FSD1L: variants seen among roughly 807,000 people sequenced by gnomAD.
FSD1L encodes the protein fibronectin type III and SPRY domain containing 1 like, also known as FSD1-like protein.
FSD1L carries 45 observed loss-of-function variants against 71.6 expected under a neutral mutation model. The ratio of observed to expected loss-of-function variants is 0.63; its 90% confidence interval spans 0.49 to 0.81. FSD1L has a LOEUF of 0.81. Among genes scored for constraint, FSD1L ranks in the 30% least tolerant of loss-of-function variants. FSD1L has a pLI of 0.00. For synonymous variants in FSD1L, 197 were observed against 207.2 expected, an observed-to-expected ratio of 0.95 and a Z score of 0.42; for missense variants, 561 against 618.1, an observed-to-expected ratio of 0.91 and a Z score of 0.98.
At chr9:105,530,440 C>A in intron 10 of FSD1L, 1 of 513,992 alleles carries the variant, frequency 1.9e-6, no homozygotes, top group Non-Finnish European at 3.4e-6. Context: ...AATTAAACTG[C>A]CAATGTCAAT....
chr9:105,547,531 G>A lies in FSD1L; in HGVS notation c.*1048G>A, dbSNP rs758127021. 4.0e-5 allele frequency: 6 copies of A among 151,886 alleles called. No individual in the cohort carries two copies. The highest frequency in any genetic ancestry group is 9.7e-5 in the African/African-American group (4 of 41,392). 9.4% of individuals were successfully genotyped at this position (151,886 alleles called of 1,614,324 possible). A position where few individuals can be genotyped will look rare whatever the true frequency, so the allele number is the denominator to read the frequency against. ...AGCAATTGTTTTGAAAAAAATCTGC[G>A]TATCTTTGACTTAATTGGCACATGA... On this transcript the variant is annotated 3_prime_UTR_variant, in exon 14 of 14. Coordinates refer to ENST00000481272, the MANE Select transcript of FSD1L (RefSeq NM_001145313.3).
chr9:105,535,626 A>G (rs1355675620), intron 12 of FSD1L, among the ~76,000 whole-genome samples: 6 of 152,122 alleles, frequency 3.9e-5, no homozygotes, highest in Non-Finnish European at 8.8e-5. Flanking sequence ...TTTATTACCT[A>G]CCTCTAAAGA....
In FSD1L at chr9:105,504,953, A is replaced by G. The variant is rs550415249; in HGVS notation, c.587-1446A>G. On this transcript the variant is annotated intron_variant, in intron 7 of 13. Transcript: ENST00000481272. ...TTACCATAAACCCACTACCTCCTCC[A>G]TATACAATTTCCCCTGTTATTACTA... Among the ~76,000 whole-genome samples, 9 of 152,202 alleles carry G rather than the reference A, an allele frequency of 5.9e-5. No homozygotes were observed. The South Asian group carries it at 1.9e-3, about 31-fold the overall frequency.
intron 6 of FSD1L, among the ~76,000 whole-genome samples, chr9:105,481,901 C>T (rs1188501364): frequency 1.3e-5 from 2 of 151,814 alleles, no homozygotes; most frequent in African/African-American, 4.8e-5. Context: ...GCCGCCTGAG[C>T]AGCTGGGACT....
chr9:105,534,096 C>T (rs540871742), intron 10 of FSD1L, among the ~76,000 whole-genome samples: 1 of 152,264 alleles, frequency 6.6e-6, no homozygotes, highest in Non-Finnish European at 1.5e-5. Flanking sequence ...GTTATTTAGT[C>T]AGGATTATAA....
Position 105,539,291 on chromosome 9 carries a change from T to C in FSD1L, c.1407T>C (p.Ser469=). 1 of 1,502,498 alleles carries C rather than the reference T, an allele frequency of 6.7e-7. No individual in the cohort carries two copies. The highest frequency in any genetic ancestry group is 9.0e-7 in the Non-Finnish European group (1 of 1,116,758). 93.1% of individuals were successfully genotyped at this position (1,502,498 alleles called of 1,614,324 possible). ...AACTTTCATTCTATGATGCAAATTC[T>C]AAACAGTTGCTATATTCCTTTAAGA... The part of the protein sequence containing the change: ...GGQLSFYDAN[S]KQLLYSFKTK... Residue 469 remains serine, a synonymous_variant, in exon 13 of 14, where the codon TCT becomes TCC. Coordinates refer to ENST00000481272, the MANE Select transcript of FSD1L (RefSeq NM_001145313.3).
chr9:105,454,827 C>A lies in FSD1L; in HGVS notation c.15+6592C>A, dbSNP rs566858627. ...GCCAGTTCTTTTACTAGCATTTAGA[C>A]TTTTTCTCAGCTGGTAAGCTAGACA... On this transcript the variant is annotated intron_variant, in intron 1 of 13. Coordinates refer to ENST00000481272, the MANE Select transcript of FSD1L (RefSeq NM_001145313.3). Among the ~76,000 whole-genome samples the A allele has an allele frequency of 2.0e-5, 3 of 152,186 alleles. No individual in the cohort carries two copies. The South Asian group carries it at 6.2e-4, about 31-fold the overall frequency.
At chr9:105,464,803 T>G (rs555942067) in intron 3 of FSD1L, among the ~76,000 whole-genome samples, 24 of 151,268 alleles carry the variant, frequency 1.6e-4, no homozygotes, top group African/African-American at 5.3e-4. Context: ...AGACACCGTC[T>G]CTACCAAAAA....
chr9:105,545,285 CTT>C (rs1269049645), intron 13 of FSD1L, among the ~76,000 whole-genome samples: 2 of 146,234 alleles, frequency 1.4e-5, no homozygotes, highest in African/African-American at 2.7e-5. Flanking sequence ...TATCCTGAGA[CTT>C]TGCTGAAGTT....
intron 10 of FSD1L, among the ~76,000 whole-genome samples, chr9:105,516,283 C>T (rs575294897): frequency 6.6e-6 from 1 of 152,324 alleles, no homozygotes; most frequent in African/African-American, 2.4e-5. Flanking sequence ...CTTAAACGTT[C>T]CTGCCTGACA....
At chr9:105,477,736 CTTTTTAAACA>C (rs1187395612) in intron 5 of FSD1L, among the ~76,000 whole-genome samples, 1 of 152,106 alleles carries the variant, frequency 6.6e-6, no homozygotes, top group Non-Finnish European at 1.5e-5. Context: ...ATTAAATTAA[CTTTTTAAACA>C]TTTTCTATCT....
At position 105,534,483 on chromosome 9, in the gene FSD1L, G is replaced by C; in HGVS notation, c.1026-10G>C. ...ATATTTGTTTTTCTTTTTTCTTTTT[G>C]TTTATATAGAAGTGGTACACCATCC... On this transcript the variant is annotated splice_polypyrimidine_tract_variant and intron_variant, in intron 10 of 13. Transcript: ENST00000481272. 2 of 1,441,386 alleles carry C rather than the reference G, an allele frequency of 1.4e-6. No individual in the cohort carries two copies. The highest frequency in any genetic ancestry group is 1.9e-6 in the Non-Finnish European group (2 of 1,060,446). The allele number at this position is 1,441,386 out of a possible 1,614,324, so 89.3% of individuals were successfully genotyped here. A position where few individuals can be genotyped will look rare whatever the true frequency, so the allele number is the denominator to read the frequency against.
intron 7 of FSD1L, among the ~76,000 whole-genome samples, chr9:105,484,809 A>G (rs1832428758): frequency 6.6e-6 from 1 of 152,138 alleles, no homozygotes; most frequent in Non-Finnish European, 1.5e-5. Flanking sequence ...CCTATTGCTT[A>G]CTTGCTATGT....
intron 1 of FSD1L, among the ~76,000 whole-genome samples, chr9:105,455,515 A>G (rs1051741448): frequency 6.6e-6 from 1 of 152,154 alleles, no homozygotes; most frequent in East Asian, 1.9e-4. Context: ...GATTTGATCA[A>G]TCCCTTTCCT....
chr9:105,490,925 G>A (rs1209454868), intron 7 of FSD1L, among the ~76,000 whole-genome samples: 1 of 146,076 alleles, frequency 6.8e-6, no homozygotes, highest in Admixed American at 6.9e-5. Flanking sequence ...AGTATAGTTT[G>A]AAGTCAGGTA....
chr9:105,516,934 G>A (rs1387756038), intron 10 of FSD1L, among the ~76,000 whole-genome samples: 1 of 152,150 alleles, frequency 6.6e-6, no homozygotes, highest in Non-Finnish European at 1.5e-5. Context: ...TTGAAAAAAG[G>A]TTAGATGAAT....
At chr9:105,471,716 AAC>A (rs1831476437) in intron 4 of FSD1L, among the ~76,000 whole-genome samples, 186 bp from the exon 5 acceptor site, 1 of 118,908 alleles carries the variant, frequency 8.4e-6, no homozygotes, top group African/African-American at 3.7e-5. Flanking sequence ...TAAAAAAAAT[AAC>A]ACGTTTTATA....
rs75560890 is a variant in FSD1L, at chr9:105,488,368, T to C, written c.586+3866T>C. Among the ~76,000 whole-genome samples the C allele has an allele frequency of 9.1e-3, 1,380 of 152,342 alleles. 22 individuals are homozygous for C. The highest frequency in any genetic ancestry group is 0.032 in the African/African-American group (1,322 of 41,574). ...TTGATGACCTGATAGCTCATTTCTT[T>C]TTAGTATGGAATAATAGTCCATTGT... On this transcript the variant is annotated intron_variant, in intron 7 of 13. Transcript: ENST00000481272.
intron 1 of FSD1L, among the ~76,000 whole-genome samples, chr9:105,455,373 A>G (rs78717573): frequency 0.036 from 5,393 of 151,674 alleles, 132 homozygotes; most frequent in South Asian, 0.088. Flanking sequence ...ACCTGGTGCC[A>G]TCCCCACTGG....
Sources: gnomAD v4.1 joint callset for allele counts (sites outside exome capture counted in the v4.1 genomes callset) on GRCh38, gnomAD v4.1.1 for gene constraint, MANE v1.5 for transcripts, NCBI Gene and HGNC (gene_info 2026-07-23, HGNC 2026-07-21) for gene names.